The following CEP192 variants were observed in gnomAD, a reference collection of about 807,000 sequenced individuals.
The protein encoded by CEP192 is centrosomal protein of 192 kDa.
A neutral mutation model predicts 271.8 loss-of-function variants in CEP192; 151 were observed. That is an observed-to-expected ratio of 0.56 (90% confidence interval 0.49 to 0.64). CEP192 has a LOEUF of 0.64. Among genes scored for constraint, CEP192 ranks in the 30% least tolerant of loss-of-function variants. The pLI, the probability that CEP192 is intolerant of heterozygous loss-of-function variation, is 0.00. For synonymous variants in CEP192, 995 were observed against 1,076.5 expected, an observed-to-expected ratio of 0.92 and a Z score of 1.48; for missense variants, 2,910 against 3,020.5, an observed-to-expected ratio of 0.96 and a Z score of 0.86.
At chr18:13,069,359 T>G (rs2037887415) in intron 26 of CEP192, among the ~76,000 whole-genome samples, 178 bp downstream of exon 26, 1 of 152,166 alleles carries the variant, frequency 6.6e-6, no homozygotes, top group Non-Finnish European at 1.5e-5. Flanking sequence ...TATGCTGTGG[T>G]GCTTTTTAAG....
At chr18:13,017,812 A>C (rs2034744075) in intron 7 of CEP192, among the ~76,000 whole-genome samples, 1 of 152,200 alleles carries the variant, frequency 6.6e-6, no homozygotes, top group African/African-American at 2.4e-5. Flanking sequence ...TAATCCCCAG[A>C]ATATCCTTTA....
chr18:13,052,907 C>T lies in CEP192; in HGVS notation c.3018-12C>T, dbSNP rs1413967990. 6.7e-6 allele frequency: 10 copies of T among 1,490,400 alleles called. No homozygotes were observed. The highest frequency in any genetic ancestry group is 9.1e-6 in the Non-Finnish European group (10 of 1,103,124). 92.3% of individuals were successfully genotyped at this position (1,490,400 alleles called of 1,614,324 possible). A position where few individuals can be genotyped will look rare whatever the true frequency, so the allele number is the denominator to read the frequency against. On this transcript the variant is annotated splice_polypyrimidine_tract_variant and intron_variant, in intron 17 of 44. Transcript: ENST00000506447. ...TGGAGAACTCCAGGTGTGAGCTACT[C>T]TTCTCTTTCAGGTGTGCGTTAGAGT...
At chr18:13,048,068 A>G (rs1275463176) in intron 15 of CEP192, among the ~76,000 whole-genome samples, 1 of 152,194 alleles carries the variant, frequency 6.6e-6, no homozygotes, top group African/African-American at 2.4e-5. Flanking sequence ...TAGATCCTAC[A>G]TCATGCTTAT....
At chr18:13,084,809 G>T (rs573892214) in intron 30 of CEP192, among the ~76,000 whole-genome samples, 9 of 149,912 alleles carry the variant, frequency 6.0e-5, no homozygotes, top group African/African-American at 2.2e-4. Context: ...TCTCATTGTG[G>T]TTTTGATTTC....
At position 13,017,276 on chromosome 18, in the gene CEP192, C is replaced by T. The variant is rs184818985; in HGVS notation, c.729C>T (p.Asp243=). The T allele has an allele frequency of 1.9e-6, 3 of 1,550,278 alleles. No individual in the cohort carries two copies. The highest frequency in any genetic ancestry group is 2.6e-6 in the Non-Finnish European group (3 of 1,146,218). The change falls in exon 7 of 45, where the codon GAC becomes GAT. Residue 243 remains aspartate, a synonymous_variant. Transcript: ENST00000506447. ...CAATTCCAGGAATGATATATGAAGA[C>T]CTAGAAGGACCAGAACCTCCAGAAA... is the stretch of plus-strand genomic sequence containing the variant. ...QLAIPGMIYE[D]LEGPEPPEKG... is the part of the protein sequence containing the mutation.
chr18:12,999,281 A>G (rs1473825942), intron 1 of CEP192, 140 bp from the exon 2 acceptor site: 16 of 585,448 alleles, frequency 2.7e-5, no homozygotes, highest in African/African-American at 3.7e-5. Context: ...ACCTCAGACT[A>G]TTTGCCTATT....
At chr18:13,052,182 G>T (rs1294798817) in intron 17 of CEP192, among the ~76,000 whole-genome samples, 1 of 152,186 alleles carries the variant, frequency 6.6e-6, no homozygotes, top group African/African-American at 2.4e-5. Context: ...TGTTTGTGCA[G>T]ATAGATGTGA....
At chr18:13,025,793 G>A (rs1359008075) in intron 9 of CEP192, among the ~76,000 whole-genome samples, 2 of 151,876 alleles carry the variant, frequency 1.3e-5, no homozygotes, top group African/African-American at 2.4e-5. Flanking sequence ...AAGCATATAT[G>A]TGTGTCTGTA....
rs150886777 is a variant in CEP192, at chr18:13,040,949, A to G, written c.1929A>G (p.Leu643=). The change falls in exon 14 of 45, where the codon CTA becomes CTG. Residue 643 remains leucine, a synonymous_variant. Transcript: ENST00000506447. ...AAATGGCTCATCTTAACCATGATCT[A>G]TATTCAGGTAATGGATTCAATGAAG... The part of the protein sequence containing the change: ...EKEMAHLNHD[L]YSGDLNEQSQ... 13 of 1,604,170 alleles carry G rather than the reference A, an allele frequency of 8.1e-6. No individual in the cohort carries two copies. In the African/African-American group the frequency reaches 1.6e-4, roughly 20 times the overall value.
At chr18:13,073,248 T>A in intron 30 of CEP192, 63 bp downstream of exon 30, 1 of 1,375,774 alleles carries the variant, frequency 7.3e-7, no homozygotes, top group Non-Finnish European at 1.0e-6. Context: ...ACTATTGGTT[T>A]AATGTTGTAA....
chr18:12,997,465 C>A (rs557990417), intron 1 of CEP192, among the ~76,000 whole-genome samples: 1 of 152,202 alleles, frequency 6.6e-6, no homozygotes, highest in South Asian at 2.1e-4. Context: ...TTCTTACTTT[C>A]CAAGGAAAAA....
chr18:13,049,732 C>T, intron 16 of CEP192, 33 bp from the exon 17 acceptor site: 1 of 1,604,754 alleles, frequency 6.2e-7, no homozygotes, highest in South Asian at 1.1e-5. Context: ...AGTTTATTTT[C>T]TCTTCTTACT....
intron 34 of CEP192, among the ~76,000 whole-genome samples, chr18:13,092,840 T>A (rs1224474523): frequency 2.0e-5 from 3 of 152,074 alleles, no homozygotes; most frequent in Non-Finnish European, 2.9e-5. Flanking sequence ...TGATAACCAA[T>A]TAGCCCTAAA....
In CEP192 at chr18:13,027,362, T is replaced by C. The variant is rs551656320; in HGVS notation, c.1051-2301T>C. ...ATTTGCTGTGAGAACTTGGTTGTGC[T>C]GCAAGTAAAACTCACAAAAGCATGG... is the stretch of plus-strand genomic sequence containing the variant. On this transcript the variant is annotated intron_variant, in intron 9 of 44. Transcript: ENST00000506447. Among the ~76,000 whole-genome samples, 5 of 152,340 alleles carry C rather than the reference T, an allele frequency of 3.3e-5. No individual in the cohort carries two copies. In the South Asian group the frequency reaches 1.0e-3, roughly 32 times the overall value.
At chr18:12,994,734 C>T (rs1244595543) in intron 1 of CEP192, among the ~76,000 whole-genome samples, 1 of 152,142 alleles carries the variant, frequency 6.6e-6, no homozygotes, top group Non-Finnish European at 1.5e-5. Flanking sequence ...TAGGTAAAGC[C>T]TGTAATTTCC....
intron 21 of CEP192, among the ~76,000 whole-genome samples, chr18:13,067,255 T>G (rs2037758129): frequency 6.6e-6 from 1 of 152,204 alleles, no homozygotes; most frequent in African/African-American, 2.4e-5. Flanking sequence ...ATGCAAATAC[T>G]ATGACATTTC....
In CEP192 at chr18:13,071,028, T is replaced by G; in HGVS notation, c.5175-11T>G. Reference sequence around the variant, plus strand: ...TACAGGACCTTCAACTTAGAATTCTTTCTTTCTTAGGATCTTGAAAATATT... The same window carrying G: ...TACAGGACCTTCAACTTAGAATTCTGTCTTTCTTAGGATCTTGAAAATATT... On this transcript the variant is annotated splice_polypyrimidine_tract_variant and intron_variant, in intron 27 of 44. Coordinates refer to ENST00000506447, the MANE Select transcript of CEP192 (RefSeq NM_032142.4). 6.2e-7 allele frequency: 1 copy of G among 1,608,884 alleles called. No individual in the cohort carries two copies. The highest frequency in any genetic ancestry group is 8.5e-7 in the Non-Finnish European group (1 of 1,176,816).
Position 13,068,612 on chromosome 18 carries a change from G to A in CEP192, c.4822+190G>A, listed in dbSNP as rs113833257. Among the ~76,000 whole-genome samples the A allele has an allele frequency of 7.3e-3, 1,116 of 152,342 alleles. 14 individuals carry two copies. Among genetic ancestry groups the A allele is most frequent in the African/African-American group, 0.021 (857 of 41,568 alleles). On this transcript the variant is annotated intron_variant, in intron 24 of 44. Transcript: ENST00000506447. ...TGTGTAAGTGTGGGTAACTCCTGCA[G>A]ATAGCACTGAAAACCTTTTAGAATA...
intron 40 of CEP192, among the ~76,000 whole-genome samples, chr18:13,112,965 C>T (rs1273343526): frequency 1.3e-5 from 2 of 152,204 alleles, no homozygotes; most frequent in Non-Finnish European, 2.9e-5. Context: ...TTATAAAATG[C>T]TGTTTTTAAA....
Sources: allele counts gnomAD v4.1 joint callset (sites outside exome capture counted in the v4.1 genomes callset), GRCh38; gene constraint gnomAD v4.1.1; transcripts MANE v1.5; gene names NCBI Gene and HGNC (gene_info 2026-07-23, HGNC 2026-07-21).